SNTG1: variants seen among roughly 807,000 people sequenced by gnomAD.
The protein encoded by SNTG1 is syntrophin gamma 1, also known as gamma-1-syntrophin.
SNTG1 carries 39 observed loss-of-function variants against 74.7 expected under a neutral mutation model. That is an observed-to-expected ratio of 0.52 (90% CI 0.40 to 0.68). SNTG1 has a LOEUF of 0.68. Among genes scored for constraint, SNTG1 ranks in the 30% least tolerant of loss-of-function variants. The pLI, the probability that SNTG1 is intolerant of heterozygous loss-of-function variation, is 0.00. For synonymous variants in SNTG1, 254 were observed against 217.1 expected, an observed-to-expected ratio of 1.17 and a Z score of -1.49; for missense variants, 685 against 609.5, an observed-to-expected ratio of 1.12 and a Z score of -1.30.
intron 13 of SNTG1, among the ~76,000 whole-genome samples, chr8:50,614,943 T>C (rs2131007475): frequency 6.6e-6 from 1 of 151,122 alleles, no homozygotes; most frequent in Non-Finnish European, 1.5e-5. Flanking sequence ...AGTAGTTTTT[T>C]CTTTTTTTTT....
intron 2 of SNTG1, among the ~76,000 whole-genome samples, chr8:50,267,468 A>G (rs1428575891): frequency 1.3e-5 from 2 of 152,208 alleles, no homozygotes; most frequent in South Asian, 2.1e-4. Flanking sequence ...TATACTTTAC[A>G]TACACAAAGC....
chr8:50,368,048 G>T (rs946466222), intron 2 of SNTG1, among the ~76,000 whole-genome samples: 1 of 152,082 alleles, frequency 6.6e-6, no homozygotes, highest in African/African-American at 2.4e-5. Context: ...GTAAGGGATC[G>T]GGAGGAAAAG....
chr8:50,716,612 A>G (rs2131578962), intron 17 of SNTG1, among the ~76,000 whole-genome samples: 1 of 152,326 alleles, frequency 6.6e-6, no homozygotes, highest in South Asian at 2.1e-4. Flanking sequence ...GATAGCCCTA[A>G]AGTAAATATT....
At chr8:50,174,661 A>G (rs10504098) in intron 2 of SNTG1, among the ~76,000 whole-genome samples, 44,921 of 151,994 alleles carry the variant, frequency 0.3, 6,740 homozygotes, top group South Asian at 0.43. Context: ...TTCAAATAAA[A>G]TCTCATAGGG....
At chr8:50,610,185 A>C (rs1287530646) in intron 13 of SNTG1, among the ~76,000 whole-genome samples, 1 of 152,072 alleles carries the variant, frequency 6.6e-6, no homozygotes, top group African/African-American at 2.4e-5. Flanking sequence ...GCAGCCACTG[A>C]TGTCTATGTA....
In SNTG1 at chr8:50,366,432, T is replaced by C. The variant is rs867328777; in HGVS notation, c.-27-27780T>C. On this transcript the variant is annotated intron_variant, in intron 2 of 18. Transcript: ENST00000642720. Reference sequence around the variant, plus strand: ...ATCTTTATCAGAAATCATAACCATGTCCATGACCATCTTAATCAGAAATTC... The same window carrying C: ...ATCTTTATCAGAAATCATAACCATGCCCATGACCATCTTAATCAGAAATTC... 5.9e-5 allele frequency among the ~76,000 whole-genome samples: 9 copies of C among 152,208 alleles called. 1 individual carries two copies. The South Asian group carries it at 1.9e-3, about 32-fold the overall frequency.
chr8:49,924,387 G>A (rs1353413384), intron 1 of SNTG1, among the ~76,000 whole-genome samples: 1 of 152,090 alleles, frequency 6.6e-6, no homozygotes, highest in East Asian at 1.9e-4. Context: ...ATGATCAGGG[G>A]CAAATACAGA....
chr8:50,152,086 G>T (rs2082088317), intron 1 of SNTG1, among the ~76,000 whole-genome samples: 1 of 152,100 alleles, frequency 6.6e-6, no homozygotes, highest in South Asian at 2.1e-4. Flanking sequence ...TTATGAAACT[G>T]GGTGCTCCTG....
At chr8:50,292,226 A>G (rs1165933979) in intron 2 of SNTG1, among the ~76,000 whole-genome samples, 1 of 152,126 alleles carries the variant, frequency 6.6e-6, no homozygotes, top group East Asian at 1.9e-4. Flanking sequence ...ATGAGTAAGG[A>G]AGACAGGGTG....
At position 50,179,641 on chromosome 8, in the gene SNTG1, C is replaced by T. The variant is rs370518045; in HGVS notation, c.-28+7006C>T. Among the ~76,000 whole-genome samples, 16 of 152,118 alleles carry T rather than the reference C, an allele frequency of 1.1e-4. 1 individual carries two copies. Among genetic ancestry groups the T allele is most frequent in the African/African-American group, 3.1e-4 (13 of 41,526 alleles). ...GCAAAATATATGAATAGACGTTTTT[C>T]GAAGAAAGACATACAAATAGCCAAA... On this transcript the variant is annotated intron_variant, in intron 2 of 18. Coordinates refer to ENST00000642720, the MANE Select transcript of SNTG1 (RefSeq NM_018967.5).
chr8:50,362,844 T>C (rs2957599), intron 2 of SNTG1, among the ~76,000 whole-genome samples: 23,816 of 152,138 alleles, frequency 0.16, 2,307 homozygotes, highest in Middle Eastern at 0.25. Flanking sequence ...AAGATTGATA[T>C]AAATTTAAAA....
chr8:50,730,357 A>C (rs994808511), intron 17 of SNTG1, among the ~76,000 whole-genome samples: 17 of 152,222 alleles, frequency 1.1e-4, no homozygotes, highest in Admixed American at 7.2e-4. Context: ...TAATCAAATT[A>C]GTGAAAGCAC....
chr8:50,033,032 T>A (rs987764368), intron 1 of SNTG1, among the ~76,000 whole-genome samples: 1 of 152,186 alleles, frequency 6.6e-6, no homozygotes, highest in Non-Finnish European at 1.5e-5. Context: ...ATCTTGGGTT[T>A]GTTTTAGAAA....
chr8:50,619,310 C>A (rs538437679), intron 13 of SNTG1, among the ~76,000 whole-genome samples: 1 of 152,150 alleles, frequency 6.6e-6, no homozygotes, highest in Non-Finnish European at 1.5e-5. Flanking sequence ...GGTGCTTACA[C>A]CCATCTGGAG....
intron 10 of SNTG1, among the ~76,000 whole-genome samples, chr8:50,535,922 T>A (rs2094303905): frequency 6.6e-6 from 1 of 152,158 alleles, no homozygotes; most frequent in African/African-American, 2.4e-5. Context: ...TATTATTTGA[T>A]GTGTTGGTGT....
chr8:50,050,047 G>A (rs530663575), intron 1 of SNTG1, among the ~76,000 whole-genome samples: 6 of 151,234 alleles, frequency 4.0e-5, no homozygotes, highest in Non-Finnish European at 5.9e-5. Flanking sequence ...CTTAGGAAAC[G>A]AGAAAAATAA....
At chr8:50,384,387 A>T (rs549662787) in intron 2 of SNTG1, among the ~76,000 whole-genome samples, 1 of 152,348 alleles carries the variant, frequency 6.6e-6, no homozygotes, top group South Asian at 2.1e-4. Context: ...CTGTAAATCC[A>T]CAAATGGCAA....
intron 14 of SNTG1, among the ~76,000 whole-genome samples, chr8:50,657,542 G>A (rs1420915743): frequency 3.3e-5 from 5 of 151,988 alleles, no homozygotes; most frequent in African/African-American, 1.2e-4. Context: ...AGAATAATAA[G>A]GAAATTTCAA....
intron 1 of SNTG1, among the ~76,000 whole-genome samples, chr8:49,990,491 A>T (rs982030300): frequency 6.6e-6 from 1 of 152,056 alleles, no homozygotes; most frequent in Admixed American, 6.5e-5. Context: ...TAAAAGAACA[A>T]TGTTAGAGGC....
Sources: allele counts gnomAD v4.1 joint callset (sites outside exome capture counted in the v4.1 genomes callset), GRCh38; gene constraint gnomAD v4.1.1; transcripts MANE v1.5; gene names NCBI Gene and HGNC (gene_info 2026-07-23, HGNC 2026-07-21).